Variants in SPEG observed in about 807,000 individuals in gnomAD.
SPEG encodes the protein striated muscle preferentially expressed protein kinase.
Under a neutral mutation model 300.4 loss-of-function variants are expected in SPEG, and 114 were observed. The ratio of observed to expected loss-of-function variants is 0.38; its 90% CI spans 0.33 to 0.44. The LOEUF is 0.44. SPEG is among the 20% of genes least tolerant of loss of function. The pLI, the probability that SPEG is intolerant of heterozygous loss-of-function variation, is 1.00. For missense variants in SPEG, 4,201 were observed against 4,586.2 expected (o/e 0.92, Z 2.43); for synonymous variants, 1,964 against 2,018.9 (o/e 0.97, Z 0.73).
At position 219,485,045 on chromosome 2, in the gene SPEG, G is replaced by C; in HGVS notation, c.7582G>C (p.Glu2528Gln). Residue 2528 changes from glutamate (E) to glutamine (Q), a missense_variant, in exon 30 of 41, where the codon GAG becomes CAG. Coordinates refer to ENST00000312358, the MANE Select transcript of SPEG (RefSeq NM_005876.5). ...TTPSAESLGS[E>Q]ASATSGSSAP... is the part of the protein sequence containing the mutation. ...GCCTTCCGCCGAGTCCCTGGGCTCCGAGGCCAGCGCCACGTCGGGCTCCTC... is the reference window on the plus strand; with the variant it reads ...GCCTTCCGCCGAGTCCCTGGGCTCCCAGGCCAGCGCCACGTCGGGCTCCTC... 1 of 1,532,598 alleles carries C rather than the reference G, an allele frequency of 6.5e-7. No homozygotes were observed. The highest frequency in any genetic ancestry group is 1.4e-5 in the African/African-American group (1 of 72,912). 94.9% of individuals were successfully genotyped at this position (1,532,598 alleles called of 1,614,324 possible).
Position 219,484,115 on chromosome 2 carries a change from C to G in SPEG, c.6652C>G (p.Pro2218Ala), listed in dbSNP as rs745417045. The G allele has an allele frequency of 6.2e-7, 1 of 1,613,622 alleles. No homozygotes were observed. The part of the protein sequence containing the change: ...PQPAQDKAPE[P>A]RPEPVRASKP... ...GCCTGCCCAAGACAAGGCTCCAGAG[C>G]CCAGGCCAGAACCAGTCCGAGCCTC... The change falls in exon 30 of 41, where the codon CCC becomes GCC. Residue 2218 changes from proline to alanine, a missense_variant. Coordinates refer to ENST00000312358, the MANE Select transcript of SPEG (RefSeq NM_005876.5).
intron 6 of SPEG, among the ~76,000 whole-genome samples, chr2:219,455,176 T>C: frequency 6.6e-6 from 1 of 152,246 alleles, no homozygotes; most frequent in East Asian, 1.9e-4. Context: ...AGGCCCTGTG[T>C]TGATTGGATT....
In SPEG at chr2:219,492,107, A is replaced by G. The variant is rs750998249; in HGVS notation, c.9462-4A>G. 2 of 1,609,692 alleles carry G rather than the reference A, an allele frequency of 1.2e-6. No individual in the cohort carries two copies. The highest frequency in any genetic ancestry group is 2.2e-5 in the South Asian group (2 of 90,788). On this transcript the variant is annotated splice_region_variant and splice_polypyrimidine_tract_variant and intron_variant, in intron 39 of 40. Transcript: ENST00000312358. ...TACGTCAATCAAGCTATCTTCCCCA[A>G]CAGGCTCAGTGGACGCTCCCCGTTC...
In SPEG at chr2:219,473,627, G is replaced by C; in HGVS notation, c.4271G>C (p.Ser1424Thr). The change falls in exon 17 of 41, where the codon AGC becomes ACC. Residue 1424 changes from serine to threonine, a missense_variant and splice_region_variant. By Grantham distance (58) the Ser-to-Thr change is moderately conservative. Transcript: ENST00000312358. The surrounding 1 kb of genome is among the most constrained non-coding windows in gnomAD (Gnocchi z 4.6). ...GTGGAGGCCCAGGTCGTCTGGAGGA[G>C]GTGGGCCCCTTTCCCACATGTGGCA... ...NHVEAQVVWR[S>T]CRGALLEARA... is the part of the protein sequence containing the mutation. 1.2e-6 allele frequency: 2 copies of C among 1,614,200 alleles called. No homozygotes were observed. The highest frequency in any genetic ancestry group is 1.7e-6 in the Non-Finnish European group (2 of 1,180,028).
intron 6 of SPEG, among the ~76,000 whole-genome samples, chr2:219,457,401 A>G (rs984168949): frequency 6.6e-6 from 1 of 152,090 alleles, no homozygotes; most frequent in Non-Finnish European, 1.5e-5. Context: ...TGGCCAACAT[A>G]ATGAAACCCC....
chr2:219,451,657 A>G lies in SPEG; in HGVS notation c.2290A>G (p.Ser764Gly). Residue 764 changes from serine (S) to glycine (G), a missense_variant, in exon 6 of 41, where the codon AGC (serine) becomes GGC (glycine). Ser to Gly is a moderately conservative substitution (Grantham distance 56). Transcript: ENST00000312358. This position sits in a 1 kb window ranked among gnomAD's most constrained non-coding sequence, Gnocchi z 6.4. ...GCACAAGGATGGGTCAGCGCTGCGC[A>G]GCGAGGGCCGCCTCCTCCTCCGGGC... ...SWHKDGSALRSEGRLLLRAEG... is the reference protein window; with the variant it reads ...SWHKDGSALRGEGRLLLRAEG... 1 of 1,588,180 alleles carries G rather than the reference A, an allele frequency of 6.3e-7. No homozygotes were observed. Among genetic ancestry groups the G allele is most frequent in the Non-Finnish European group, 8.5e-7 (1 of 1,169,724 alleles).
intron 10 of SPEG, 112 bp from the exon 11 acceptor site, chr2:219,468,466 T>G: frequency 1.6e-6 from 2 of 1,250,654 alleles, no homozygotes; most frequent in Non-Finnish European, 2.2e-6. Flanking sequence ...GAGCCTTTGC[T>G]GGGCTCTGCC....
chr2:219,481,177 C>A lies in SPEG; in HGVS notation c.5370-127C>A. The A allele has an allele frequency of 9.8e-7, 1 of 1,019,108 alleles. No homozygotes were observed. The highest frequency in any genetic ancestry group is 1.5e-6 in the Non-Finnish European group (1 of 679,482). 63.1% of individuals were successfully genotyped at this position (1,019,108 alleles called of 1,614,324 possible). A position where few individuals can be genotyped will look rare whatever the true frequency, so the allele number is the denominator to read the frequency against. On this transcript the variant is annotated intron_variant, in intron 26 of 40. Transcript: ENST00000312358. The surrounding 1 kb of genome is among the most constrained non-coding windows in gnomAD (Gnocchi z 5.4). ...GAGAGTCCGCAGCCTCACCTCTTAC[C>A]CACATTTGCCCAGCCTCTGTCATCC... is the stretch of plus-strand genomic sequence containing the variant.
chr2:219,462,729 A>G (rs1426920886), intron 8 of SPEG, among the ~76,000 whole-genome samples: 1 of 152,224 alleles, frequency 6.6e-6, no homozygotes, highest in Non-Finnish European at 1.5e-5. Context: ...CAGCCTGGCC[A>G]GCATGGCGAA....
At position 219,488,315 on chromosome 2, in the gene SPEG, G is replaced by A. The variant is rs778805591; in HGVS notation, c.7858+5G>A. On this transcript the variant is annotated splice_donor_5th_base_variant and intron_variant, in intron 32 of 40. Coordinates refer to ENST00000312358, the MANE Select transcript of SPEG (RefSeq NM_005876.5). ...CGCACATCTCCTGGATGAAAGGTAAGGAGACTCTGTCTCCCACAGAGAGGG... is the reference window on the plus strand; with the variant it reads ...CGCACATCTCCTGGATGAAAGGTAAAGAGACTCTGTCTCCCACAGAGAGGG... The A allele has an allele frequency of 4.4e-6, 7 of 1,602,486 alleles. No individual in the cohort carries two copies. The highest frequency in any genetic ancestry group is 1.7e-5 in the Admixed American group (1 of 59,152).
At chr2:219,470,628 G>A (rs957129954) in intron 13 of SPEG, among the ~76,000 whole-genome samples, 1 of 152,232 alleles carries the variant, frequency 6.6e-6, no homozygotes, top group African/African-American at 2.4e-5. Flanking sequence ...GAGAAGGGAA[G>A]GGTGTCTAGG....
intron 22 of SPEG, among the ~76,000 whole-genome samples, chr2:219,478,640 T>C (rs907907666): frequency 6.6e-6 from 1 of 152,208 alleles, no homozygotes; most frequent in African/African-American, 2.4e-5. Context: ...TGCTGGGTGA[T>C]TGGCTCATCA....
At chr2:219,447,665 T>A (rs1458474612) in intron 3 of SPEG, among the ~76,000 whole-genome samples, 1 of 150,464 alleles carries the variant, frequency 6.6e-6, no homozygotes, top group Middle Eastern at 3.2e-3. Context: ...TCCCTCATGC[T>A]CAGTTCTGTT....
chr2:219,489,822 C>A lies in SPEG; in HGVS notation c.8804C>A (p.Ala2935Asp). ...TKVTVQSLSP[A>D]KEVVSSPGSS... Reference sequence around the variant, plus strand: ...GTGACTGTGCAGAGCCTCAGCCCGGCCAAGGAGGTGGTCAGCTCCCCTGGG... The same window carrying A: ...GTGACTGTGCAGAGCCTCAGCCCGGACAAGGAGGTGGTCAGCTCCCCTGGG... Residue 2935 changes from alanine to aspartate, a missense_variant, in exon 36 of 41, where the codon GCC becomes GAC. Physicochemically the swap from Ala to Asp is moderately radical, Grantham distance 126. Transcript: ENST00000312358. 6.2e-7 allele frequency: 1 copy of A among 1,613,560 alleles called. No individual in the cohort carries two copies. Among genetic ancestry groups the A allele is most frequent in the Non-Finnish European group, 8.5e-7 (1 of 1,179,880 alleles).
intron 3 of SPEG, among the ~76,000 whole-genome samples, chr2:219,447,232 C>T (rs1689370520): frequency 6.6e-6 from 1 of 150,678 alleles, no homozygotes; most frequent in African/African-American, 2.4e-5. Context: ...GCCTTCTGTA[C>T]TTCTCAGGGG....
chr2:219,434,950 C>T lies in SPEG; in HGVS notation c.-28C>T. 2 of 1,475,604 alleles carry T rather than the reference C, an allele frequency of 1.4e-6. No individual in the cohort carries two copies. The highest frequency in any genetic ancestry group is 8.9e-7 in the Non-Finnish European group (1 of 1,122,246). The allele number at this position is 1,475,604 out of a possible 1,614,324, so 91.4% of individuals were successfully genotyped here. The stretch of plus-strand genomic sequence containing the variant: ...TGCCCCCGTGGCCGCCCAGTTCCGG[C>T]GTCCCCCCAGCCCAGCTCTCAGTGG... On this transcript the variant is annotated 5_prime_UTR_variant, in exon 1 of 41. Coordinates refer to ENST00000312358, the MANE Select transcript of SPEG (RefSeq NM_005876.5).
chr2:219,471,291 G>A (rs1021780870), intron 13 of SPEG, among the ~76,000 whole-genome samples: 24 of 152,160 alleles, frequency 1.6e-4, no homozygotes, highest in African/African-American at 5.3e-4. Context: ...GATGGAACTC[G>A]GTGTCTCGTT....
rs1384901415 is a variant in SPEG, at chr2:219,485,392, G to C, written c.7656G>C (p.Pro2552=). ...RSRLRWGFSR[P]RKDKGLSPPN... ...GGCTCCGCTGGGGCTTCTCTCGGCC[G>C]CGGAAGGACAAGGGGTTATCGCCAC... The change falls in exon 31 of 41, where the codon CCG becomes CCC. Residue 2552 remains proline (P), a synonymous_variant. Coordinates refer to ENST00000312358, the MANE Select transcript of SPEG (RefSeq NM_005876.5). 2 of 1,608,224 alleles carry C rather than the reference G, an allele frequency of 1.2e-6. No homozygotes were observed. Among genetic ancestry groups the C allele is most frequent in the Non-Finnish European group, 1.7e-6 (2 of 1,177,544 alleles).
Position 219,489,718 on chromosome 2 carries a change from G to A in SPEG, c.8700G>A (p.Val2900=), listed in dbSNP as rs769246329. The A allele has an allele frequency of 1.5e-5, 25 of 1,614,038 alleles. No individual in the cohort carries two copies. The highest frequency in any genetic ancestry group is 2.1e-5 in the Non-Finnish European group (25 of 1,179,992). ...GVKPVSSSTP[V]YVVTSFVSAP... is the part of the protein sequence containing the mutation. ...AACCAGTGTCTTCCTCTACTCCTGT[G>A]TATGTGGTGACTTCCTTTGTGTCTG... Residue 2900 remains valine, a synonymous_variant, in exon 36 of 41, where the codon GTG becomes GTA. Transcript: ENST00000312358.
Sources: allele counts gnomAD v4.1 joint callset (sites outside exome capture counted in the v4.1 genomes callset), GRCh38; gene constraint gnomAD v4.1.1; non-coding constraint Gnocchi (gnomAD v3.1); transcripts MANE v1.5; gene names NCBI Gene and HGNC (gene_info 2026-07-23, HGNC 2026-07-21).